The following CEPT1 variants were observed in gnomAD, a reference collection of about 807,000 sequenced individuals.
CEPT1 encodes choline/ethanolaminephosphotransferase 1.
Under a neutral mutation model 42.6 loss-of-function variants are expected in CEPT1, and 7 were observed. The observed-to-expected ratio is 0.16, with a 90% CI of 0.09 to 0.31. CEPT1 has a LOEUF of 0.31. CEPT1 is among the 10% of genes least tolerant of loss of function. The probability of loss-of-function intolerance (pLI) is 1.00; values close to 1 mark genes in which losing one functional copy is unlikely to be tolerated. For missense variants in CEPT1, 306 were observed against 502.1 expected (o/e 0.61, Z 3.73); for synonymous variants, 171 against 171.9 (o/e 0.99, Z 0.04).
At chr1:111,156,846 A>G (rs563324717) in intron 2 of CEPT1, among the ~76,000 whole-genome samples, 5 of 152,214 alleles carry the variant, frequency 3.3e-5, no homozygotes, top group East Asian at 1.9e-4. Flanking sequence ...TAGTAAAACC[A>G]TATGTTTCTT....
chr1:111,168,351 A>G (rs1486439047), intron 4 of CEPT1, among the ~76,000 whole-genome samples: 3 of 152,166 alleles, frequency 2.0e-5, no homozygotes, highest in Non-Finnish European at 4.4e-5. Flanking sequence ...AAAACCTGAC[A>G]GATCATTATA....
At chr1:111,175,322 A>T (rs1425620096) in intron 5 of CEPT1, among the ~76,000 whole-genome samples, 1 of 152,178 alleles carries the variant, frequency 6.6e-6, no homozygotes, top group Non-Finnish European at 1.5e-5. Flanking sequence ...TCTGTCATAT[A>T]CTTAAAGCTG....
chr1:111,169,445 A>G (rs998091676), intron 4 of CEPT1, among the ~76,000 whole-genome samples: 1 of 152,128 alleles, frequency 6.6e-6, no homozygotes, highest in Admixed American at 6.5e-5. Context: ...ATAACAAAGT[A>G]CCCGATATCT....
intron 5 of CEPT1, chr1:111,181,393 G>A (rs754172400): frequency 3.3e-5 from 5 of 152,160 alleles, no homozygotes; most frequent in Admixed American, 6.5e-5. Flanking sequence ...TTCAGTACAA[G>A]TGTATTTCAT....
Position 111,182,905 on chromosome 1 carries a change from T to C in CEPT1, c.953T>C (p.Leu318Pro). 1 of 1,613,850 alleles carries C rather than the reference T, an allele frequency of 6.2e-7. No homozygotes were observed. Among genetic ancestry groups the C allele is most frequent in the Non-Finnish European group, 8.5e-7 (1 of 1,179,766 alleles). Residue 318 changes from leucine (L) to proline (P), a missense_variant, in exon 7 of 9, where the codon CTT becomes CCT. Leu to Pro is a moderately conservative substitution (Grantham distance 98). Around this residue, in one of 2 missense-constraint regions of CEPT1, gnomAD observed 253 missense variants for 447.3 expected, o/e 0.57. Coordinates refer to ENST00000357172, the MANE Select transcript of CEPT1 (RefSeq NM_006090.5). Reference sequence around the variant, plus strand: ...CAGCTTTTTGAAAAGCATCCCTGTCTTTATATACTGACATTTGGTTTTGTG... The same window carrying C: ...CAGCTTTTTGAAAAGCATCCCTGTCCTTATATACTGACATTTGGTTTTGTG... ...AVQLFEKHPCLYILTFGFVSA... is the reference protein window; with the variant it reads ...AVQLFEKHPCPYILTFGFVSA...
chr1:111,140,540 C>T (rs1254794197), intron 1 of CEPT1: 1 of 152,282 alleles, frequency 6.6e-6, no homozygotes, highest in Non-Finnish European at 1.5e-5. Flanking sequence ...CCCCTTGCCC[C>T]TCTGTGGAGA....
At chr1:111,167,694 T>G (rs1429468597) in intron 4 of CEPT1, 2 of 983,804 alleles carry the variant, frequency 2.0e-6, no homozygotes, top group Non-Finnish European at 2.4e-6. Flanking sequence ...TGTTGTATAA[T>G]ATTTATGCTG....
chr1:111,158,699 A>T (rs964761519), intron 2 of CEPT1, among the ~76,000 whole-genome samples: 1 of 152,138 alleles, frequency 6.6e-6, no homozygotes, highest in Non-Finnish European at 1.5e-5. Flanking sequence ...TGAGGTTAGC[A>T]TGGAATTTTT....
chr1:111,175,010 TG>T (rs769827381), intron 5 of CEPT1, 47 bp downstream of exon 5: 5 of 1,153,746 alleles, frequency 4.3e-6, no homozygotes, highest in Non-Finnish European at 3.9e-6. Context: ...TGTTGTCTTT[TG>T]CTTGTGTTTT....
At chr1:111,183,193 T>C (rs1295175770) in intron 7 of CEPT1, among the ~76,000 whole-genome samples, 1 of 152,210 alleles carries the variant, frequency 6.6e-6, no homozygotes, top group Non-Finnish European at 1.5e-5. Flanking sequence ...CTGTTTAATT[T>C]GGTTATTCAG....
chr1:111,180,764 T>C (rs1325662595), intron 5 of CEPT1: 5 of 152,210 alleles, frequency 3.3e-5, no homozygotes, highest in Non-Finnish European at 5.9e-5. Context: ...TGTCTTCCAG[T>C]CTTAACTGAG....
At chr1:111,143,720 A>G (rs1043756871) in intron 1 of CEPT1, among the ~76,000 whole-genome samples, 1 of 151,970 alleles carries the variant, frequency 6.6e-6, no homozygotes, top group African/African-American at 2.4e-5. Context: ...TCAGGTGGCT[A>G]CAATAACTTT....
At position 111,147,723 on chromosome 1, in the gene CEPT1, G is replaced by A; in HGVS notation, c.9G>A (p.Gly3=). The change falls in exon 2 of 9, where the codon GGG becomes GGA. Residue 3 remains glycine (G), a synonymous_variant. Coordinates refer to ENST00000357172, the MANE Select transcript of CEPT1 (RefSeq NM_006090.5). The part of the protein sequence containing the change: MS[G]HRSTRKRCGD... ...AAAAAAAAACAAGATCCATGAGTGG[G>A]CATCGATCAACAAGGAAAAGATGTG... 2.5e-6 allele frequency: 4 copies of A among 1,606,246 alleles called. No homozygotes were observed. Among genetic ancestry groups the A allele is most frequent in the Non-Finnish European group, 3.4e-6 (4 of 1,174,742 alleles).
chr1:111,178,455 G>T (rs1571155740), intron 5 of CEPT1: 1 of 146,078 alleles, frequency 6.8e-6, no homozygotes. Context: ...TTGTTGTTGT[G>T]GTTTTCCTTT....
At chr1:111,181,225 C>T (rs1313141568) in intron 5 of CEPT1, 1 of 151,828 alleles carries the variant, frequency 6.6e-6, no homozygotes, top group Non-Finnish European at 1.5e-5. Context: ...CCACTGGGGG[C>T]TTTTGGAATC....
chr1:111,151,276 G>A (rs1374612265), intron 2 of CEPT1, among the ~76,000 whole-genome samples: 6 of 152,074 alleles, frequency 3.9e-5, no homozygotes, highest in South Asian at 4.2e-4. Flanking sequence ...GGCGCACGCC[G>A]CCACACCCAG....
At chr1:111,164,390 T>C (rs1656024835) in intron 4 of CEPT1, among the ~76,000 whole-genome samples, 1 of 152,172 alleles carries the variant, frequency 6.6e-6, no homozygotes, top group African/African-American at 2.4e-5. Flanking sequence ...CAGAGATGAC[T>C]AGCCTGGATA....
intron 4 of CEPT1, among the ~76,000 whole-genome samples, chr1:111,169,929 T>G (rs1165654635): frequency 6.6e-6 from 1 of 152,232 alleles, no homozygotes; most frequent in Non-Finnish European, 1.5e-5. Context: ...ACTTGACCTT[T>G]CTAAATGTTC....
intron 4 of CEPT1, 62 bp downstream of exon 4, chr1:111,161,358 AAGTATTTG>A (rs1405572210): frequency 6.8e-7 from 1 of 1,461,700 alleles, no homozygotes; most frequent in African/African-American, 1.4e-5. Context: ...GTTGCCTTAT[AAGTATTTG>A]AGTATTAGAA....
Sources: gnomAD v4.1 joint callset for allele counts (sites outside exome capture counted in the v4.1 genomes callset) on GRCh38, gnomAD v4.1.1 for gene constraint, gnomAD v4.1.1 regional missense constraint, MANE v1.5 for transcripts, NCBI Gene and HGNC (gene_info 2026-07-23, HGNC 2026-07-21) for gene names.